KCTD16: variants seen among roughly 807,000 people sequenced by gnomAD.
KCTD16 encodes the protein BTB/POZ domain-containing protein KCTD16.
A neutral mutation model predicts 33.2 loss-of-function variants in KCTD16; 13 were observed. The observed-to-expected ratio is 0.39, with a 90% CI of 0.25 to 0.62. The LOEUF (loss-of-function observed/expected upper bound fraction) is 0.62, where lower values mean the gene tolerates loss of function less well. KCTD16 is among the 20% of genes least tolerant of loss of function. The pLI is 0.50. For missense variants in KCTD16, 441 were observed against 525.1 expected, an observed-to-expected ratio of 0.84 and a Z score of 1.57; for synonymous variants, 197 against 195.3, an observed-to-expected ratio of 1.01 and a Z score of -0.07.
intron 3 of KCTD16, among the ~76,000 whole-genome samples, chr5:144,237,823 A>G (rs888900740): frequency 6.6e-6 from 1 of 152,160 alleles, no homozygotes; most frequent in Non-Finnish European, 1.5e-5. Context: ...TAAGACCCAC[A>G]CTAAGTTCAG....
At chr5:144,303,367 A>G (rs566188343) in intron 3 of KCTD16, among the ~76,000 whole-genome samples, 2 of 152,180 alleles carry the variant, frequency 1.3e-5, no homozygotes, top group South Asian at 2.1e-4. Flanking sequence ...GGCTTGTGAG[A>G]TCTCTGTAAA....
chr5:144,331,910 T>G (rs571517411), intron 3 of KCTD16, among the ~76,000 whole-genome samples: 1 of 152,314 alleles, frequency 6.6e-6, no homozygotes, highest in African/African-American at 2.4e-5. Context: ...TTATGCTATT[T>G]AGGGTTAAAT....
At chr5:144,425,303 G>A (rs1347213161) in intron 3 of KCTD16, among the ~76,000 whole-genome samples, 2 of 151,936 alleles carry the variant, frequency 1.3e-5, no homozygotes, top group Non-Finnish European at 2.9e-5. Context: ...CTGTTTCCTG[G>A]GGTAGAGATT....
chr5:144,265,678 C>T (rs1755122733), intron 3 of KCTD16, among the ~76,000 whole-genome samples: 1 of 152,162 alleles, frequency 6.6e-6, no homozygotes, highest in African/African-American at 2.4e-5. Flanking sequence ...AATGAACCAT[C>T]ATCATAAAAG....
At chr5:144,296,947 A>C (rs902198913) in intron 3 of KCTD16, among the ~76,000 whole-genome samples, 1 of 152,212 alleles carries the variant, frequency 6.6e-6, no homozygotes, top group African/African-American at 2.4e-5. Flanking sequence ...CCAAGGAAAA[A>C]CAGCTGATTA....
chr5:144,221,344 T>C (rs945914927), intron 3 of KCTD16, among the ~76,000 whole-genome samples: 4 of 152,172 alleles, frequency 2.6e-5, no homozygotes, highest in African/African-American at 4.8e-5. Flanking sequence ...GGTATACACA[T>C]GCCATGGTGG....
chr5:144,414,721 C>A (rs1753007508), intron 3 of KCTD16, among the ~76,000 whole-genome samples: 1 of 152,072 alleles, frequency 6.6e-6, no homozygotes, highest in African/African-American at 2.4e-5. Context: ...CTACTTATGC[C>A]TCAATTTTTT....
At chr5:144,407,903 C>T (rs2126951381) in intron 3 of KCTD16, among the ~76,000 whole-genome samples, 1 of 152,276 alleles carries the variant, frequency 6.6e-6, no homozygotes, top group East Asian at 1.9e-4. Flanking sequence ...CATAGTATTC[C>T]ATGGTGTGTA....
At chr5:144,303,208 G>C (rs1021349946) in intron 3 of KCTD16, among the ~76,000 whole-genome samples, 1 of 152,192 alleles carries the variant, frequency 6.6e-6, no homozygotes, top group African/African-American at 2.4e-5. Flanking sequence ...GTGGCTGGCT[G>C]TCTCTAGTTA....
intron 3 of KCTD16, among the ~76,000 whole-genome samples, chr5:144,444,789 G>A (rs1007207175): frequency 1.7e-4 from 26 of 150,880 alleles, no homozygotes; most frequent in African/African-American, 5.8e-4. Flanking sequence ...TATTGTTGTC[G>A]TCTATTCCAG....
chr5:144,209,288 T>C (rs1391980776), intron 3 of KCTD16, among the ~76,000 whole-genome samples: 2 of 152,210 alleles, frequency 1.3e-5, no homozygotes, highest in Non-Finnish European at 2.9e-5. Flanking sequence ...GTGGCATTTC[T>C]GTGTTCATCA....
intron 3 of KCTD16, among the ~76,000 whole-genome samples, chr5:144,427,144 A>G (rs1753350191): frequency 6.6e-6 from 1 of 152,084 alleles, no homozygotes; most frequent in Admixed American, 6.6e-5. Flanking sequence ...GGTTCTAGGA[A>G]ATGGGATTGC....
intron 1 of KCTD16, among the ~76,000 whole-genome samples, chr5:144,172,729 C>T (rs551933854): frequency 1.3e-5 from 2 of 152,260 alleles, no homozygotes; most frequent in East Asian, 3.9e-4. Context: ...CTTTTACTCT[C>T]AAAAATATCC....
intron 3 of KCTD16, among the ~76,000 whole-genome samples, chr5:144,239,818 G>T (rs1266914937): frequency 6.6e-6 from 1 of 152,076 alleles, no homozygotes; most frequent in African/African-American, 2.4e-5. Flanking sequence ...ATCTATTTGG[G>T]TTTATGGAGG....
At chr5:144,173,717 A>G (rs983500171) in intron 1 of KCTD16, among the ~76,000 whole-genome samples, 3 of 152,100 alleles carry the variant, frequency 2.0e-5, no homozygotes, top group Non-Finnish European at 4.4e-5. Flanking sequence ...ATTTATTTAA[A>G]TTTTCCCCTT....
chr5:144,317,122 G>A (rs1367810714), intron 3 of KCTD16, among the ~76,000 whole-genome samples: 1 of 152,010 alleles, frequency 6.6e-6, no homozygotes, highest in African/African-American at 2.4e-5. Flanking sequence ...CACCAAGCCC[G>A]GCCCGGCCAG....
intron 3 of KCTD16, among the ~76,000 whole-genome samples, chr5:144,300,917 G>T (rs1168816963): frequency 6.6e-6 from 1 of 152,108 alleles, no homozygotes; most frequent in African/African-American, 2.4e-5. Flanking sequence ...TGAAAAGGAT[G>T]GGAGAAGACA....
At chr5:144,192,228 G>A (rs1201308010) in intron 2 of KCTD16, among the ~76,000 whole-genome samples, 2 of 152,192 alleles carry the variant, frequency 1.3e-5, no homozygotes, top group Non-Finnish European at 2.9e-5. Flanking sequence ...AAGAGACTGT[G>A]ATAACACTGC....
chr5:144,473,575 G>A, intron 3 of KCTD16, 85 bp from the exon 4 acceptor site: 1 of 1,260,708 alleles, frequency 7.9e-7, no homozygotes, highest in Non-Finnish European at 1.1e-6. Flanking sequence ...TCTTATGTGT[G>A]TTTCTGTGTA....
Sources: allele counts gnomAD v4.1 joint callset (sites outside exome capture counted in the v4.1 genomes callset), GRCh38; gene constraint gnomAD v4.1.1; transcripts MANE v1.5; gene names NCBI Gene and HGNC (gene_info 2026-07-23, HGNC 2026-07-21).